The following KIF26B variants were observed in gnomAD, a reference collection of about 807,000 sequenced individuals.
KIF26B encodes kinesin-like protein KIF26B.
In KIF26B, 63 loss-of-function variants were observed where a neutral mutation model predicts 151.2. The observed-to-expected ratio is 0.42, with a 90% CI of 0.34 to 0.51. KIF26B has a LOEUF of 0.51. Ranked by LOEUF, KIF26B falls within the 20% of genes least tolerant of loss-of-function variation. KIF26B has a pLI of 0.07. For missense variants in KIF26B, 2,813 were observed against 2,913.6 expected (o/e 0.97, Z 0.79); for synonymous variants, 1,357 against 1,262.1 (o/e 1.08, Z -1.59).
At chr1:245,343,914 C>T (rs1672386285) in intron 2 of KIF26B, among the ~76,000 whole-genome samples, 1 of 152,172 alleles carries the variant, frequency 6.6e-6, no homozygotes, top group African/African-American at 2.4e-5. Flanking sequence ...ATTCACAATA[C>T]TTCCTACACA....
chr1:245,368,768 C>G (rs923261923), intron 3 of KIF26B, among the ~76,000 whole-genome samples: 4 of 152,116 alleles, frequency 2.6e-5, no homozygotes, highest in Admixed American at 6.5e-5. Flanking sequence ...TGTGGAGGAT[C>G]TCACAGGAGG....
intron 2 of KIF26B, among the ~76,000 whole-genome samples, chr1:245,319,299 A>C (rs1343352476): frequency 6.6e-6 from 1 of 152,194 alleles, no homozygotes; most frequent in Non-Finnish European, 1.5e-5. Flanking sequence ...TTTAGCATAA[A>C]TAACAGCCTG....
chr1:245,224,513 G>A (rs1201178259), intron 2 of KIF26B, among the ~76,000 whole-genome samples: 1 of 152,214 alleles, frequency 6.6e-6, no homozygotes, highest in East Asian at 1.9e-4. Flanking sequence ...GTCACTTCAA[G>A]GGAAACAGCT....
intron 2 of KIF26B, among the ~76,000 whole-genome samples, chr1:245,263,706 A>C (rs1183631120): frequency 6.6e-6 from 1 of 152,182 alleles, no homozygotes; most frequent in African/African-American, 2.4e-5. Flanking sequence ...CCATTTCCCC[A>C]AAAAAGGTAA....
At chr1:245,418,683 T>A (rs994599480) in intron 3 of KIF26B, among the ~76,000 whole-genome samples, 3 of 152,234 alleles carry the variant, frequency 2.0e-5, no homozygotes, top group African/African-American at 7.2e-5. Context: ...TCCTCTTTTT[T>A]AAAAAACTGA....
chr1:245,276,123 C>A (rs1473214132), intron 2 of KIF26B, among the ~76,000 whole-genome samples: 1 of 152,112 alleles, frequency 6.6e-6, no homozygotes, highest in Non-Finnish European at 1.5e-5. Context: ...GGGTGGATCA[C>A]CTGAGGTCAG....
chr1:245,438,891 G>T (rs1344508277), intron 4 of KIF26B, among the ~76,000 whole-genome samples: 1 of 152,224 alleles, frequency 6.6e-6, no homozygotes, highest in Non-Finnish European at 1.5e-5. Context: ...TTGATGGGAA[G>T]TGAGGGTGGG....
intron 4 of KIF26B, among the ~76,000 whole-genome samples, chr1:245,498,142 T>C (rs1197316898): frequency 6.6e-6 from 1 of 152,222 alleles, no homozygotes; most frequent in Non-Finnish European, 1.5e-5. Flanking sequence ...CATATCTCCT[T>C]TCTGTGTAGA....
rs534827329 is a variant in KIF26B at position 245,235,885 on chromosome 1, A to C, written c.465+79202A>C. ...AATAAACAGTGCTTATCGCCTTCCC[A>C]AAACACCCCACCACTATAAGCTGCT... On this transcript the variant is annotated intron_variant, in intron 2 of 14. Coordinates refer to ENST00000407071, the MANE Select transcript of KIF26B (RefSeq NM_018012.4). Among the ~76,000 whole-genome samples, 4 of 152,012 alleles carry C rather than the reference A, an allele frequency of 2.6e-5. No individual in the cohort carries two copies. The South Asian group carries it at 8.3e-4, about 32-fold the overall frequency.
chr1:245,624,556 C>T (rs1170269688), intron 9 of KIF26B, among the ~76,000 whole-genome samples: 1 of 152,194 alleles, frequency 6.6e-6, no homozygotes, highest in African/African-American at 2.4e-5. Flanking sequence ...GGCATCCATA[C>T]CTCTTCTTTG....
intron 2 of KIF26B, among the ~76,000 whole-genome samples, chr1:245,246,401 A>G (rs1391367954): frequency 1.3e-5 from 2 of 152,212 alleles, no homozygotes; most frequent in Admixed American, 1.3e-4. Context: ...TTTAGCTGGT[A>G]CACATACAGG....
intron 2 of KIF26B, among the ~76,000 whole-genome samples, chr1:245,346,650 A>G (rs1430936711): frequency 6.6e-6 from 1 of 152,104 alleles, no homozygotes; most frequent in Non-Finnish European, 1.5e-5. Context: ...CTTGTTCTTC[A>G]CTCAACCTCA....
In KIF26B at chr1:245,390,931, A is replaced by AC. The variant is rs1298728659; in HGVS notation, c.999+23564_999+23565insC. On this transcript the variant is annotated intron_variant, in intron 3 of 14. Transcript: ENST00000407071. Reference sequence around the variant, plus strand: ...AACAAGACCCTGTCTCAAAAAAAAAAAAAAAAAAAAAAAAAAAAAAACCAC... The same window carrying AC: ...AACAAGACCCTGTCTCAAAAAAAAAACAAAAAAAAAAAAAAAAAAAAACCAC... Among the ~76,000 whole-genome samples the AC allele has an allele frequency of 2.3e-4, 32 of 138,024 alleles. 2 individuals are homozygous for AC. The highest frequency in any genetic ancestry group is 7.0e-3 in the Middle Eastern group (2 of 284). The allele number at this position is 138,024 out of a possible 152,430, so 90.5% of individuals were successfully genotyped here.
chr1:245,182,882 C>T (rs1304823238), intron 2 of KIF26B, among the ~76,000 whole-genome samples: 2 of 152,186 alleles, frequency 1.3e-5, no homozygotes, highest in East Asian at 1.9e-4. Context: ...GTGATCCACC[C>T]GCCTCGGCCT....
At chr1:245,441,261 G>C (rs1170725894) in intron 4 of KIF26B, among the ~76,000 whole-genome samples, 1 of 152,098 alleles carries the variant, frequency 6.6e-6, no homozygotes, top group East Asian at 1.9e-4. Flanking sequence ...ATTCACATTT[G>C]AAAGTGAAGA....
rs2103520165 is a variant in KIF26B at position 245,166,902 on chromosome 1, A to G, written c.465+10219A>G. Among the ~76,000 whole-genome samples the G allele has an allele frequency of 6.6e-6, 1 of 152,338 alleles. No homozygotes were observed. The highest frequency in any genetic ancestry group is 1.9e-4 in the East Asian group (1 of 5,192). On this transcript the variant is annotated intron_variant, in intron 2 of 14. Coordinates refer to ENST00000407071, the MANE Select transcript of KIF26B (RefSeq NM_018012.4). The surrounding 1 kb of genome is among the most constrained non-coding windows in gnomAD (Gnocchi z 4.5). ...CTGTGAGCTCTAATACAAAAAACCGAGACATTCTGAACGTTGCTATAGAGG... is the reference window on the plus strand; with the variant it reads ...CTGTGAGCTCTAATACAAAAAACCGGGACATTCTGAACGTTGCTATAGAGG...
At chr1:245,231,478 T>C (rs1357565685) in intron 2 of KIF26B, among the ~76,000 whole-genome samples, 7 of 152,178 alleles carry the variant, frequency 4.6e-5, no homozygotes, top group Non-Finnish European at 1.0e-4. Context: ...TTCGTGCCAC[T>C]GCGCTCTAGC....
chr1:245,484,694 TCTTCTC>T (rs1039535851), intron 4 of KIF26B, among the ~76,000 whole-genome samples: 1 of 83,098 alleles, frequency 1.2e-5, no homozygotes, highest in African/African-American at 3.4e-5. Flanking sequence ...TTCTCCTCCT[TCTTCTC>T]CTTCTCCTTC....
At chr1:245,311,751 G>A (rs543687959) in intron 2 of KIF26B, among the ~76,000 whole-genome samples, 88 of 152,220 alleles carry the variant, frequency 5.8e-4, no homozygotes, top group African/African-American at 1.9e-3. Flanking sequence ...TGGGCAACAT[G>A]GGGAAACCCT....
Sources: gnomAD v4.1 joint callset for allele counts (sites outside exome capture counted in the v4.1 genomes callset) on GRCh38, gnomAD v4.1.1 for gene constraint, Gnocchi (gnomAD v3.1) non-coding constraint, MANE v1.5 for transcripts, NCBI Gene and HGNC (gene_info 2026-07-23, HGNC 2026-07-21) for gene names.